EXOC2: variants seen among roughly 807,000 people sequenced by gnomAD.
The protein encoded by EXOC2 is exocyst complex component 2.
In EXOC2, 70 loss-of-function variants were observed where a neutral mutation model predicts 131.8. The ratio of observed to expected loss-of-function variants is 0.53; its 90% CI spans 0.44 to 0.65. The LOEUF (loss-of-function observed/expected upper bound fraction) is 0.65. EXOC2 is among the 30% of genes least tolerant of loss of function. The probability of loss-of-function intolerance (pLI) is 0.00; values close to 1 mark genes in which losing one functional copy is unlikely to be tolerated. For synonymous variants in EXOC2, 411 were observed against 398.4 expected (o/e 1.03, Z -0.38); for missense variants, 923 against 1,108.6 (o/e 0.83, Z 2.38).
chr6:686,088 A>T (rs1764641172), intron 1 of EXOC2, among the ~76,000 whole-genome samples: 1 of 151,618 alleles, frequency 6.6e-6, no homozygotes, highest in Admixed American at 6.6e-5. Flanking sequence ...CAGCCTCCCA[A>T]GTAGCTGGGA....
rs751644938 is a variant in EXOC2 at position 598,950 on chromosome 6, T to C, written c.889-9A>G. 10 of 1,592,320 alleles carry C rather than the reference T, an allele frequency of 6.3e-6. No individual in the cohort carries two copies. Among genetic ancestry groups the C allele is most frequent in the Non-Finnish European group, 8.5e-6 (10 of 1,172,946 alleles). The stretch of plus-strand genomic sequence containing the variant: ...ACCACATCATAATCACCCTTTAAAA[T>C]AAAGAAACATTTTGAAAACTGTCAG... On this transcript the variant is annotated splice_polypyrimidine_tract_variant and intron_variant, in intron 8 of 27. Coordinates refer to ENST00000230449, the MANE Select transcript of EXOC2 (RefSeq NM_018303.6).
chr6:551,417 A>AACACTGGAG (rs1169437956), intron 21 of EXOC2, among the ~76,000 whole-genome samples: 1 of 152,250 alleles, frequency 6.6e-6, no homozygotes, highest in Non-Finnish European at 1.5e-5. Context: ...GTCACAAAAA[A>AACACTGGAG]ACACTGGAGA....
intron 22 of EXOC2, among the ~76,000 whole-genome samples, chr6:537,157 C>T (rs11242982): frequency 0.29 from 43,136 of 151,008 alleles, 7,764 homozygotes; most frequent in Non-Finnish European, 0.41. Context: ...AGTTTATGAC[C>T]GACGGAGCGT....
chr6:565,468 C>T (rs2127586934), intron 13 of EXOC2, among the ~76,000 whole-genome samples: 1 of 152,180 alleles, frequency 6.6e-6, no homozygotes, highest in Non-Finnish European at 1.5e-5. Context: ...TTTCCATTGT[C>T]TCTTTCCCCT....
chr6:670,631 A>G (rs1409195869), intron 1 of EXOC2, among the ~76,000 whole-genome samples: 3 of 152,164 alleles, frequency 2.0e-5, no homozygotes, highest in Admixed American at 1.3e-4. Flanking sequence ...ATCTGTAATA[A>G]TTTTTGACTT....
At chr6:541,535 G>C (rs1219326780) in intron 22 of EXOC2, among the ~76,000 whole-genome samples, 2 of 152,054 alleles carry the variant, frequency 1.3e-5, no homozygotes, top group African/African-American at 4.8e-5. Context: ...ACAAGCGATA[G>C]TAAGTACAAA....
chr6:518,938 A>T (rs562529285), intron 23 of EXOC2, among the ~76,000 whole-genome samples: 1 of 152,364 alleles, frequency 6.6e-6, no homozygotes, highest in East Asian at 1.9e-4. Context: ...TTATTGACTT[A>T]GGCTTCCCTC....
chr6:576,795 A>C lies in EXOC2; in HGVS notation c.1280T>G (p.Leu427Arg), dbSNP rs776685289. 1 of 1,614,192 alleles carries C rather than the reference A, an allele frequency of 6.2e-7. No individual in the cohort carries two copies. The highest frequency in any genetic ancestry group is 2.2e-5 in the East Asian group (1 of 44,880). ...AGACTGAAAGCTGCTGCCCCTCTTC[A>C]GGGACGCTGTCTGACTGAGATGGCC... Reference protein sequence around the residue: ...VLGHLSQTASLKRGSSFQSGR... With the variant: ...VLGHLSQTASRKRGSSFQSGR... The change falls in exon 12 of 28, where the codon CTG becomes CGG. Residue 427 changes from leucine (L) to arginine (R), a missense_variant. Physicochemically the swap from Leu to Arg is moderately radical, Grantham distance 102. Coordinates refer to ENST00000230449, the MANE Select transcript of EXOC2 (RefSeq NM_018303.6).
chr6:646,023 T>C (rs1053430136), intron 1 of EXOC2, among the ~76,000 whole-genome samples: 1 of 152,222 alleles, frequency 6.6e-6, no homozygotes, highest in Non-Finnish European at 1.5e-5. Flanking sequence ...GGTTATTTTA[T>C]GGAATGCCTA....
At chr6:658,666 T>TATA (rs1554146211) in intron 1 of EXOC2, among the ~76,000 whole-genome samples, 4,343 of 65,638 alleles carry the variant, frequency 0.066, 174 homozygotes, top group Middle Eastern at 0.13. Context: ...TATATATATA[T>TATA]TTTTTTTTTT....
chr6:682,744 G>A (rs1261616913), intron 1 of EXOC2, among the ~76,000 whole-genome samples: 2 of 152,156 alleles, frequency 1.3e-5, no homozygotes, highest in African/African-American at 4.8e-5. Flanking sequence ...AGTGGGAAAG[G>A]ATTGATAATG....
rs1386094570 is a variant in EXOC2, at chr6:506,561, AAC to A, written c.2381-6863_2381-6862del. 6.6e-6 allele frequency among the ~76,000 whole-genome samples: 1 copy of A among 152,228 alleles called. No individual in the cohort carries two copies. Among genetic ancestry groups the A allele is most frequent in the Non-Finnish European group, 1.5e-5 (1 of 68,036 alleles). On this transcript the variant is annotated intron_variant, in intron 23 of 27. Coordinates refer to ENST00000230449, the MANE Select transcript of EXOC2 (RefSeq NM_018303.6). This position sits in a 1 kb window ranked among gnomAD's most constrained non-coding sequence, Gnocchi z 4.4. Reference sequence around the variant, plus strand: ...ATGTTGTTCAAGCGAGGGAATGAGAAACAGTTTCTAAGCATTTACAACATGTA... The same window carrying A: ...ATGTTGTTCAAGCGAGGGAATGAGAAAGTTTCTAAGCATTTACAACATGTA...
chr6:491,163 C>G lies in EXOC2; in HGVS notation c.2583G>C (p.Leu861Phe). The G allele has an allele frequency of 1.9e-6, 3 of 1,614,134 alleles. No individual in the cohort carries two copies. The highest frequency in any genetic ancestry group is 2.5e-6 in the Non-Finnish European group (3 of 1,180,038). The change falls in exon 26 of 28, where the codon TTG (leucine) becomes TTC (phenylalanine). Residue 861 changes from leucine to phenylalanine, a missense_variant. Leu to Phe is a conservative substitution (Grantham distance 22). Transcript: ENST00000230449. Reference sequence around the variant, plus strand: ...TCAGGTAAACAGCCACAGTGTCCCTCAAAGCACAGATTTCAAGTCTCGCCT... The same window carrying G: ...TCAGGTAAACAGCCACAGTGTCCCTGAAAGCACAGATTTCAAGTCTCGCCT... ...ALQARLEICA[L>F]RDTVAVYLTP...
At chr6:611,369 A>G (rs901672865) in intron 6 of EXOC2, among the ~76,000 whole-genome samples, 1 of 152,200 alleles carries the variant, frequency 6.6e-6, no homozygotes, top group Non-Finnish European at 1.5e-5. Context: ...ATGAACAGAC[A>G]CTGCGCTGAG....
chr6:490,869 T>G (rs1763388632), intron 26 of EXOC2, among the ~76,000 whole-genome samples: 4 of 152,256 alleles, frequency 2.6e-5, no homozygotes. Flanking sequence ...GACTCAGTTC[T>G]TATCCTCTTT....
chr6:530,345 C>T (rs1448823144), intron 23 of EXOC2, among the ~76,000 whole-genome samples: 1 of 152,216 alleles, frequency 6.6e-6, no homozygotes, highest in African/African-American at 2.4e-5. Context: ...AACACACACA[C>T]AGCATCAGCT....
intron 11 of EXOC2, among the ~76,000 whole-genome samples, chr6:579,367 G>A (rs1758760014): frequency 6.6e-6 from 1 of 152,060 alleles, no homozygotes; most frequent in African/African-American, 2.4e-5. Context: ...CACATCATCA[G>A]TTTTCTATAT....
chr6:635,632 T>C (rs1454863019), intron 2 of EXOC2, among the ~76,000 whole-genome samples: 2 of 152,258 alleles, frequency 1.3e-5, no homozygotes, highest in Non-Finnish European at 2.9e-5. Flanking sequence ...CTTTTTATAG[T>C]GCTTTGCTTG....
chr6:558,819 T>C lies in EXOC2; in HGVS notation c.1852-2255A>G, dbSNP rs191811670. 2.0e-3 allele frequency among the ~76,000 whole-genome samples: 307 copies of C among 151,260 alleles called. 1 individual carries two copies. Among genetic ancestry groups the C allele is most frequent in the Admixed American group, 5.1e-3 (77 of 15,240 alleles). ...CAGGCGAGACTCCGGCTCAAAAAAA[T>C]TAAAAATTAAAAAAAAAATAAGTAA... On this transcript the variant is annotated intron_variant, in intron 17 of 27. Coordinates refer to ENST00000230449, the MANE Select transcript of EXOC2 (RefSeq NM_018303.6).
Sources: gnomAD v4.1 joint callset for allele counts (sites outside exome capture counted in the v4.1 genomes callset) on GRCh38, gnomAD v4.1.1 for gene constraint, Gnocchi (gnomAD v3.1) non-coding constraint, MANE v1.5 for transcripts, NCBI Gene and HGNC (gene_info 2026-07-23, HGNC 2026-07-21) for gene names.